The following PIP4K2A variants were observed in gnomAD, a reference collection of about 807,000 sequenced individuals.
The protein encoded by PIP4K2A is phosphatidylinositol-5-phosphate 4-kinase type 2 alpha.
A neutral mutation model predicts 42.9 loss-of-function variants in PIP4K2A; 14 were observed. That is an observed-to-expected ratio of 0.33 (90% CI 0.22 to 0.51). The LOEUF (loss-of-function observed/expected upper bound fraction) is 0.51, where lower values mean the gene tolerates loss of function less well. Ranked by LOEUF, PIP4K2A falls within the 20% of genes least tolerant of loss-of-function variation. PIP4K2A has a pLI of 0.97. For missense variants in PIP4K2A, 434 were observed against 519.8 expected, an observed-to-expected ratio of 0.83 and a Z score of 1.61; for synonymous variants, 192 against 192.2, an observed-to-expected ratio of 1.00 and a Z score of 0.01.
intron 8 of PIP4K2A, among the ~76,000 whole-genome samples, chr10:22,541,490 TGTG>T (rs999820203): frequency 1.3e-5 from 2 of 152,132 alleles, no homozygotes; most frequent in Non-Finnish European, 2.9e-5. Context: ...CATGTTGTGT[TGTG>T]TGTGCACGTA....
At chr10:22,577,885 G>T (rs961604983) in intron 4 of PIP4K2A, among the ~76,000 whole-genome samples, 1 of 152,156 alleles carries the variant, frequency 6.6e-6, no homozygotes, top group Admixed American at 6.5e-5. Context: ...GTCTGGCACC[G>T]CCTGGATCCT....
chr10:22,709,378 G>C (rs1833876917), intron 1 of PIP4K2A, among the ~76,000 whole-genome samples: 1 of 152,122 alleles, frequency 6.6e-6, no homozygotes, highest in Non-Finnish European at 1.5e-5. Context: ...TGCTCAAAGA[G>C]CCCATCAGTT....
In PIP4K2A at chr10:22,557,051, G is replaced by A. The variant is rs73598563; in HGVS notation, c.679-6279C>T. ...AACCAACACACGCGTAAGGCTTTCA[G>A]TGTATAAAAGCCTCTCAACGGAATT... On this transcript the variant is annotated intron_variant, in intron 6 of 9. Transcript: ENST00000376573. Among the ~76,000 whole-genome samples the A allele has an allele frequency of 8.6e-3, 1,306 of 152,264 alleles. 9 individuals carry two copies. The highest frequency in any genetic ancestry group is 0.03 in the African/African-American group (1,240 of 41,546).
At chr10:22,599,818 C>T (rs995394885) in intron 3 of PIP4K2A, among the ~76,000 whole-genome samples, 12 of 152,178 alleles carry the variant, frequency 7.9e-5, no homozygotes, top group African/African-American at 2.7e-4. Context: ...GGTGCTATCT[C>T]GGTCCTCTCA....
intron 1 of PIP4K2A, among the ~76,000 whole-genome samples, chr10:22,619,594 G>A (rs1029878328): frequency 1.3e-5 from 2 of 151,856 alleles, no homozygotes; most frequent in African/African-American, 2.4e-5. Context: ...GCGCCACCAC[G>A]TGTGGCTAGT....
intron 4 of PIP4K2A, among the ~76,000 whole-genome samples, chr10:22,583,084 C>T (rs187433290): frequency 2.6e-5 from 4 of 152,320 alleles, no homozygotes; most frequent in Non-Finnish European, 5.9e-5. Context: ...TAAGTACATA[C>T]ACGGATGTGC....
chr10:22,555,864 G>C (rs984617093), intron 6 of PIP4K2A, among the ~76,000 whole-genome samples: 43 of 148,190 alleles, frequency 2.9e-4, no homozygotes, highest in Non-Finnish European at 4.5e-4. Flanking sequence ...GCCACACATA[G>C]AATCAGTGAA....
intron 6 of PIP4K2A, among the ~76,000 whole-genome samples, chr10:22,559,739 G>C (rs982470130): frequency 1.3e-5 from 2 of 152,178 alleles, no homozygotes; most frequent in African/African-American, 4.8e-5. Flanking sequence ...ACTTCTCCAA[G>C]TGGGGCCGAC....
intron 1 of PIP4K2A, among the ~76,000 whole-genome samples, chr10:22,671,054 G>A (rs1390731424): frequency 6.6e-6 from 1 of 152,134 alleles, no homozygotes; most frequent in South Asian, 2.1e-4. Context: ...GTACCCAAGA[G>A]ACACTGTGGT....
At chr10:22,684,394 A>T (rs190791366) in intron 1 of PIP4K2A, among the ~76,000 whole-genome samples, 226 of 152,320 alleles carry the variant, frequency 1.5e-3, no homozygotes, top group African/African-American at 5.2e-3. Flanking sequence ...AAAGTTGTTT[A>T]AAAAACTTTT....
At chr10:22,541,658 T>C in intron 8 of PIP4K2A, 146 bp downstream of exon 8, 1 of 920,328 alleles carries the variant, frequency 1.1e-6, no homozygotes, top group Non-Finnish European at 1.6e-6. Context: ...TAACATACTC[T>C]TGTCCCCAAA....
chr10:22,558,570 G>A (rs1836609818), intron 6 of PIP4K2A, among the ~76,000 whole-genome samples: 1 of 152,126 alleles, frequency 6.6e-6, no homozygotes, highest in Non-Finnish European at 1.5e-5. Context: ...AAAAAGGGTG[G>A]TTTTGCACAA....
chr10:22,664,182 C>CGTAT (rs1429258522), intron 1 of PIP4K2A, among the ~76,000 whole-genome samples: 4 of 43,498 alleles, frequency 9.2e-5, no homozygotes, highest in East Asian at 4.6e-4. Context: ...TATATATATA[C>CGTAT]ATATATATAC....
chr10:22,686,068 G>A (rs965179297), intron 1 of PIP4K2A, among the ~76,000 whole-genome samples: 9 of 152,138 alleles, frequency 5.9e-5, no homozygotes, highest in Non-Finnish European at 1.3e-4. Context: ...GCAAACTTCC[G>A]ACAGTGCCCA....
chr10:22,585,193 G>T (rs1484436208), intron 4 of PIP4K2A, among the ~76,000 whole-genome samples: 1 of 152,156 alleles, frequency 6.6e-6, no homozygotes, highest in African/African-American at 2.4e-5. Flanking sequence ...CCTTTGAATA[G>T]TAACACCAAC....
intron 1 of PIP4K2A, among the ~76,000 whole-genome samples, chr10:22,697,747 AACAC>A (rs1839998922): frequency 6.6e-6 from 1 of 150,924 alleles, no homozygotes; most frequent in African/African-American, 2.5e-5. Flanking sequence ...TAAAAAATTA[AACAC>A]ACACATACAC....
chr10:22,708,977 T>A (rs2130928333), intron 1 of PIP4K2A, among the ~76,000 whole-genome samples: 1 of 152,268 alleles, frequency 6.6e-6, no homozygotes, highest in East Asian at 1.9e-4. Context: ...AGAGACAGGG[T>A]CTTGCTATGC....
intron 6 of PIP4K2A, among the ~76,000 whole-genome samples, chr10:22,562,102 G>A (rs1380388396): frequency 6.6e-6 from 1 of 152,152 alleles, no homozygotes; most frequent in Non-Finnish European, 1.5e-5. Context: ...TCATAAAAAG[G>A]AGTATTTATG....
chr10:22,573,523 A>T, intron 4 of PIP4K2A, 66 bp from the exon 5 acceptor site: 1 of 1,383,424 alleles, frequency 7.2e-7, no homozygotes, highest in Non-Finnish European at 1.0e-6. Flanking sequence ...TAGATGTAAA[A>T]TACATACGCC....
Sources: gnomAD v4.1 joint callset for allele counts (sites outside exome capture counted in the v4.1 genomes callset) on GRCh38, gnomAD v4.1.1 for gene constraint, MANE v1.5 for transcripts, NCBI Gene and HGNC (gene_info 2026-07-23, HGNC 2026-07-21) for gene names.